Variants in BRCA2 observed in about 807,000 individuals in gnomAD.
The protein encoded by BRCA2 is BRCA2 DNA repair associated, also known as breast cancer type 2 susceptibility protein.
A neutral mutation model predicts 276.7 loss-of-function variants in BRCA2; 203 were observed. The observed-to-expected ratio is 0.73, with a 90% confidence interval of 0.65 to 0.82. BRCA2 has a LOEUF of 0.82. Among genes scored for constraint, BRCA2 ranks in the 40% least tolerant of loss-of-function variants. The pLI is 0.00. For missense variants in BRCA2, 3,920 were observed against 3,915.0 expected (o/e 1.00, Z -0.03); for synonymous variants, 1,289 against 1,338.4 (o/e 0.96, Z 0.81).
chr13:32,334,435 G>A (rs1277736248), intron 10 of BRCA2, among the ~76,000 whole-genome samples: 2 of 152,040 alleles, frequency 1.3e-5, no homozygotes, highest in African/African-American at 4.8e-5. Context: ...TAGCACTTTG[G>A]GAGGCTAAGG....
At chr13:32,360,137 A>T (rs551177015) in intron 16 of BRCA2, among the ~76,000 whole-genome samples, 48 of 152,300 alleles carry the variant, frequency 3.2e-4, no homozygotes, top group Non-Finnish European at 5.1e-4. Flanking sequence ...AAGTAAAAGG[A>T]GGGAGCATAG....
chr13:32,337,208 T>C lies in BRCA2; in HGVS notation c.2853T>C (p.Leu951=), dbSNP rs1131692102. Residue 951 remains leucine (L), a synonymous_variant, in exon 11 of 27, where the codon CTT becomes CTC. Transcript: ENST00000380152. The part of the protein sequence containing the change: ...VSIKKDLVYV[L]AEENKNSVKQ... ...TTAAAAAAGATTTGGTTTATGTTCT[T>C]GCAGAGGAGAACAAAAATAGTGTAA... 6.2e-7 allele frequency: 1 copy of C among 1,613,302 alleles called. No individual in the cohort carries two copies. Among genetic ancestry groups the C allele is most frequent in the Non-Finnish European group, 8.5e-7 (1 of 1,179,738 alleles).
At position 32,398,633 on chromosome 13, in the gene BRCA2, A is replaced by G. The variant is rs80358395; in HGVS notation, c.10120A>G (p.Thr3374Ala). The change falls in exon 27 of 27, where the codon ACC (threonine) becomes GCC (alanine). Residue 3374 changes from threonine (T) to alanine (A), a missense_variant. Transcript: ENST00000380152. ...CAGTGAATCCACTAGGACTGCTCCC[A>G]CCAGTTCAGAAGATTATCTCAGACT... is the stretch of plus-strand genomic sequence containing the variant. ...SVSESTRTAP[T>A]SSEDYLRLKR... 5.0e-6 allele frequency: 8 copies of G among 1,614,192 alleles called. No homozygotes were observed. The highest frequency in any genetic ancestry group is 6.8e-6 in the Non-Finnish European group (8 of 1,180,030).
intron 3 of BRCA2, among the ~76,000 whole-genome samples, chr13:32,323,672 A>G (rs1485440501): frequency 6.6e-6 from 1 of 152,186 alleles, no homozygotes; most frequent in Non-Finnish European, 1.5e-5. Context: ...ACAGTTTTAA[A>G]TTTGGTCTTC....
intron 18 of BRCA2, among the ~76,000 whole-genome samples, chr13:32,364,379 T>C (rs1331381059): frequency 2.6e-5 from 4 of 152,208 alleles, no homozygotes; most frequent in East Asian, 1.9e-4. Context: ...TCCAGTCTGT[T>C]TGACTATTTT....
In BRCA2 at chr13:32,337,528, A is replaced by G. The variant is rs431825302; in HGVS notation, c.3173A>G (p.Lys1058Arg). ...ACCTTGGCATTAGATAATCAAAAGA[A>G]ACTGAGCAAGCCTCAGTCAATTAAT... ...VNTLALDNQK[K>R]LSKPQSINTV... Residue 1058 changes from lysine to arginine, a missense_variant, in exon 11 of 27, where the codon AAA (lysine) becomes AGA (arginine). By Grantham distance (26) the Lys-to-Arg change is conservative (BLOSUM62 2). Around this residue, in one of 2 missense-constraint regions of BRCA2, gnomAD observed 3,263 missense variants for 3,156.9 expected, o/e 1.03. Transcript: ENST00000380152. The G allele has an allele frequency of 1.7e-5, 27 of 1,607,688 alleles. No individual in the cohort carries two copies. In the Admixed American group the frequency reaches 3.9e-4, roughly 23 times the overall value.
chr13:32,362,603 G>A lies in BRCA2; in HGVS notation c.7886G>A (p.Trp2629Ter), dbSNP rs80359015. 1 of 1,614,160 alleles carries A rather than the reference G, an allele frequency of 6.2e-7. No homozygotes were observed. ...TATAATCACTATAGATGGATCATATGGAAACTGGCAGCTATGGAATGTGCC... is the reference window on the plus strand; with the variant it reads ...TATAATCACTATAGATGGATCATATAGAAACTGGCAGCTATGGAATGTGCC... ...WVYNHYRWII[W>*]KLAAMECAFP... The change falls in exon 17 of 27, where the codon TGG becomes TAG. Residue 2629 changes from tryptophan to a stop codon, truncating the protein, a stop_gained. Transcript: ENST00000380152. LOFTEE classifies it high-confidence loss of function.
rs1555282344 is a variant in BRCA2 at position 32,336,259 on chromosome 13, G to C, written c.1910-6G>C. On this transcript the variant is annotated splice_polypyrimidine_tract_variant and splice_region_variant and intron_variant, in intron 10 of 26. Coordinates refer to ENST00000380152, the MANE Select transcript of BRCA2 (RefSeq NM_000059.4). ...TAATTTTGTCACTTTGTGTTTTTAT[G>C]TTTAGGTTTATTGCATTCTTCTGTG... 1 of 1,598,470 alleles carries C rather than the reference G, an allele frequency of 6.3e-7. No individual in the cohort carries two copies. The highest frequency in any genetic ancestry group is 8.5e-7 in the Non-Finnish European group (1 of 1,175,174).
At chr13:32,390,448 A>G (rs573115263) in intron 24 of BRCA2, among the ~76,000 whole-genome samples, 3 of 152,292 alleles carry the variant, frequency 2.0e-5, no homozygotes, top group South Asian at 4.1e-4. Context: ...TTAAAAAAAA[A>G]ACTACTTTAA....
At chr13:32,379,702 A>G (rs2072906138) in intron 22 of BRCA2, 48 bp from the exon 23 acceptor site, 1 of 1,577,186 alleles carries the variant, frequency 6.3e-7, no homozygotes, top group African/African-American at 1.4e-5. Flanking sequence ...AAACATTTAA[A>G]TGATAATCAC....
intron 21 of BRCA2, among the ~76,000 whole-genome samples, chr13:32,378,185 G>T (rs955863083): frequency 9.9e-5 from 15 of 151,994 alleles, no homozygotes; most frequent in South Asian, 2.1e-4. Flanking sequence ...ATATTTTTTT[G>T]TCTGGACATA....
intron 11 of BRCA2, among the ~76,000 whole-genome samples, chr13:32,344,314 G>T (rs1157696358): frequency 1.3e-5 from 2 of 152,014 alleles, no homozygotes; most frequent in Admixed American, 1.3e-4. Flanking sequence ...TCCTATTTAG[G>T]ATTTATCCTG....
At chr13:32,322,533 C>T (rs1274834904) in intron 3 of BRCA2, among the ~76,000 whole-genome samples, 1 of 152,218 alleles carries the variant, frequency 6.6e-6, no homozygotes, top group Non-Finnish European at 1.5e-5. Context: ...CCTTAAGGCA[C>T]AGGTCGCTCA....
intron 18 of BRCA2, among the ~76,000 whole-genome samples, chr13:32,366,835 A>T (rs1316403315): frequency 1.3e-5 from 2 of 151,180 alleles, no homozygotes; most frequent in Non-Finnish European, 2.9e-5. Flanking sequence ...GAAAAAAAAA[A>T]ATATGCTTAT....
intron 1 of BRCA2, 36 bp from the exon 2 acceptor site, chr13:32,316,386 C>T (rs183997506): frequency 2.4e-6 from 3 of 1,273,958 alleles, no homozygotes; most frequent in Admixed American, 1.7e-5. Flanking sequence ...AGGAATGCAT[C>T]CCTGTGTAAG....
At chr13:32,328,326 C>G (rs2072364952) in intron 7 of BRCA2, among the ~76,000 whole-genome samples, 2 of 151,692 alleles carry the variant, frequency 1.3e-5, no homozygotes, top group Admixed American at 6.6e-5. Flanking sequence ...ACAGCAACCT[C>G]TGCCTTCTGG....
intron 4 of BRCA2, 77 bp from the exon 5 acceptor site, chr13:32,326,024 T>C: frequency 7.8e-7 from 1 of 1,285,738 alleles, no homozygotes; most frequent in Non-Finnish European, 1.1e-6. Flanking sequence ...AATGAGAATC[T>C]TCTTTTAAAA....
rs2072913486 is a variant in BRCA2 at position 32,380,065 on chromosome 13, A to G, written c.9176A>G (p.Lys3059Arg). 6.2e-7 allele frequency: 1 copy of G among 1,613,998 alleles called. No homozygotes were observed. The highest frequency in any genetic ancestry group is 1.3e-5 in the African/African-American group (1 of 74,932). ...YQPREPLHFS[K>R]FLDPDFQPSC... is the part of the protein sequence containing the mutation. Reference sequence around the variant, plus strand: ...CCACGGGAGCCCCTTCACTTCAGCAAATTTTTAGATCCAGACTTTCAGCCA... The same window carrying G: ...CCACGGGAGCCCCTTCACTTCAGCAGATTTTTAGATCCAGACTTTCAGCCA... Residue 3059 changes from lysine (K) to arginine (R), a missense_variant, in exon 24 of 27, where the codon AAA (lysine) becomes AGA (arginine). By Grantham distance (26) the Lys-to-Arg change is conservative. Transcript: ENST00000380152.
chr13:32,315,136 C>T (rs2072241057), upstream of BRCA2, among the ~76,000 whole-genome samples: 1 of 152,110 alleles, frequency 6.6e-6, no homozygotes, highest in Admixed American at 6.5e-5. Context: ...GAGAGAACAT[C>T]CCTTTTAAGG....
Sources: gnomAD v4.1 joint callset for allele counts (sites outside exome capture counted in the v4.1 genomes callset) on GRCh38, gnomAD v4.1.1 for gene constraint, gnomAD v4.1.1 regional missense constraint, MANE v1.5 for transcripts, NCBI Gene and HGNC (gene_info 2026-07-23, HGNC 2026-07-21) for gene names.